PTPRD: variants seen among roughly 807,000 people sequenced by gnomAD.
PTPRD encodes receptor-type tyrosine-protein phosphatase delta.
A neutral mutation model predicts 214.5 loss-of-function variants in PTPRD; 34 were observed. That is an observed-to-expected ratio of 0.16 (90% CI 0.12 to 0.21). The LOEUF (loss-of-function observed/expected upper bound fraction) is 0.21, where lower values mean the gene tolerates loss of function less well. PTPRD is among the 10% of genes least tolerant of loss of function. PTPRD has a pLI of 1.00. For synonymous variants in PTPRD, 1,128 were observed against 845.7 expected, an observed-to-expected ratio of 1.33 and a Z score of -5.79; for missense variants, 2,545 against 2,398.7, an observed-to-expected ratio of 1.06 and a Z score of -1.27.
At chr9:9,269,639 G>A (rs888993551) in intron 9 of PTPRD, among the ~76,000 whole-genome samples, 2 of 151,210 alleles carry the variant, frequency 1.3e-5, no homozygotes, top group South Asian at 2.1e-4. Flanking sequence ...AAATGTGGTC[G>A]GTGTGTATGT....
intron 9 of PTPRD, among the ~76,000 whole-genome samples, chr9:9,212,132 G>C (rs1569562775): frequency 6.6e-6 from 1 of 152,022 alleles, no homozygotes; most frequent in South Asian, 2.1e-4. Flanking sequence ...CACTGAGAGG[G>C]ATAAAGATGT....
intron 2 of PTPRD, among the ~76,000 whole-genome samples, chr9:10,444,260 T>C (rs1402925477): frequency 6.6e-6 from 1 of 151,870 alleles, no homozygotes; most frequent in Non-Finnish European, 1.5e-5. Flanking sequence ...TTAACGTATA[T>C]GCAATTTAGG....
At chr9:8,464,033 G>C (rs1022220010) in intron 32 of PTPRD, among the ~76,000 whole-genome samples, 1 of 151,890 alleles carries the variant, frequency 6.6e-6, no homozygotes, top group Non-Finnish European at 1.5e-5. Flanking sequence ...AAAAATTCTT[G>C]ATTCTGTAAT....
At chr9:9,826,990 A>C (rs1157795975) in intron 5 of PTPRD, among the ~76,000 whole-genome samples, 1 of 152,124 alleles carries the variant, frequency 6.6e-6, no homozygotes, top group Non-Finnish European at 1.5e-5. Context: ...ATCACTGCTC[A>C]ATGAAATAAA....
intron 3 of PTPRD, among the ~76,000 whole-genome samples, chr9:10,285,845 G>A (rs948898165): frequency 6.6e-6 from 1 of 151,808 alleles, no homozygotes; most frequent in Non-Finnish European, 1.5e-5. Flanking sequence ...TCCTGACCTC[G>A]CGATCCGCCC....
intron 7 of PTPRD, among the ~76,000 whole-genome samples, chr9:9,680,304 G>C (rs569274315): frequency 2.2e-4 from 34 of 151,812 alleles, no homozygotes; most frequent in African/African-American, 8.2e-4. Flanking sequence ...GGACTCCAGT[G>C]AATCTAATTC....
At chr9:9,794,030 C>G (rs563806215) in intron 5 of PTPRD, among the ~76,000 whole-genome samples, 1 of 151,850 alleles carries the variant, frequency 6.6e-6, no homozygotes, top group Non-Finnish European at 1.5e-5. Context: ...TTGTCCTACG[C>G]GAGGCATTAA....
At chr9:8,887,591 T>A (rs746666839) in intron 11 of PTPRD, among the ~76,000 whole-genome samples, 3 of 152,160 alleles carry the variant, frequency 2.0e-5, no homozygotes, top group Non-Finnish European at 4.4e-5. Context: ...ATCACATCTC[T>A]CCTGTAGGAG....
At chr9:8,510,518 A>G (rs1037287598) in intron 21 of PTPRD, among the ~76,000 whole-genome samples, 4 of 152,286 alleles carry the variant, frequency 2.6e-5, no homozygotes, top group African/African-American at 9.6e-5. Flanking sequence ...TTTCCTTCAC[A>G]GAAGTTGATC....
At chr9:9,924,773 G>A (rs781356548) in intron 5 of PTPRD, among the ~76,000 whole-genome samples, 37 of 152,014 alleles carry the variant, frequency 2.4e-4, no homozygotes, top group Non-Finnish European at 4.4e-4. Context: ...CCCTTTGACA[G>A]ATACTTGAAA....
intron 11 of PTPRD, among the ~76,000 whole-genome samples, chr9:9,012,386 A>T (rs7020052): frequency 0.017 from 2,589 of 152,282 alleles, 21 homozygotes; most frequent in Middle Eastern, 0.024. Context: ...AACACTAACA[A>T]ACCTGCCCAA....
chr9:10,171,807 G>A (rs1459981337), intron 3 of PTPRD, among the ~76,000 whole-genome samples: 1 of 152,210 alleles, frequency 6.6e-6, no homozygotes. Flanking sequence ...ACAGGCATGA[G>A]CCACCGCGCC....
chr9:9,161,660 T>G (rs1328621661), intron 10 of PTPRD, among the ~76,000 whole-genome samples: 2 of 152,146 alleles, frequency 1.3e-5, no homozygotes, highest in Non-Finnish European at 2.9e-5. Context: ...CTGGTATTCC[T>G]TGTTTCTCCT....
chr9:8,440,801 C>T (rs10977108), intron 34 of PTPRD, among the ~76,000 whole-genome samples: 10,578 of 152,222 alleles, frequency 0.069, 646 homozygotes, highest in East Asian at 0.26. Flanking sequence ...GTCACGGTGA[C>T]TTCCTTATAA....
intron 11 of PTPRD, among the ~76,000 whole-genome samples, chr9:8,958,038 G>A (rs764087258): frequency 2.5e-4 from 38 of 151,966 alleles, no homozygotes; most frequent in Non-Finnish European, 3.8e-4. Flanking sequence ...TCCTTAAAAC[G>A]TAATGCTAAT....
At chr9:9,965,981 T>A (rs1013243371) in intron 4 of PTPRD, among the ~76,000 whole-genome samples, 13 of 152,350 alleles carry the variant, frequency 8.5e-5, no homozygotes, top group African/African-American at 3.1e-4. Flanking sequence ...TTGAGTATAT[T>A]GCTAAAAGCA....
chr9:9,182,716 G>C (rs2099928931), intron 10 of PTPRD, among the ~76,000 whole-genome samples: 1 of 151,930 alleles, frequency 6.6e-6, no homozygotes, highest in Non-Finnish European at 1.5e-5. Flanking sequence ...ATGAAACAAA[G>C]CTGTGTTAAT....
intron 2 of PTPRD, among the ~76,000 whole-genome samples, chr9:10,512,471 G>A (rs181623064): frequency 6.6e-6 from 1 of 152,068 alleles, no homozygotes; most frequent in East Asian, 1.9e-4. Flanking sequence ...TATACAGAGA[G>A]ATAGTGCTCC....
intron 2 of PTPRD, among the ~76,000 whole-genome samples, chr9:10,403,969 G>A (rs1374609492): frequency 6.6e-6 from 1 of 151,644 alleles, no homozygotes; most frequent in Non-Finnish European, 1.5e-5. Flanking sequence ...GTACCACAGC[G>A]AGAGTGAATC....
Sources: gnomAD v4.1 joint callset for allele counts (sites outside exome capture counted in the v4.1 genomes callset) on GRCh38, gnomAD v4.1.1 for gene constraint, MANE v1.5 for transcripts, NCBI Gene and HGNC (gene_info 2026-07-23, HGNC 2026-07-21) for gene names.